Variants in PHF14 observed in about 807,000 individuals in gnomAD.
The protein encoded by PHF14 is PHD finger protein 14.
In PHF14, 55 loss-of-function variants were observed where a neutral mutation model predicts 117.9. That is an observed-to-expected ratio of 0.47 (90% CI 0.38 to 0.58). PHF14 has a LOEUF of 0.58. Among genes scored for constraint, PHF14 ranks in the 20% least tolerant of loss-of-function variants. The probability of loss-of-function intolerance (pLI) is 0.00; values close to 1 mark genes in which losing one functional copy is unlikely to be tolerated. For missense variants in PHF14, 978 were observed against 1,122.2 expected, an observed-to-expected ratio of 0.87 and a Z score of 1.84; for synonymous variants, 409 against 368.6, an observed-to-expected ratio of 1.11 and a Z score of -1.26.
intron 4 of PHF14, among the ~76,000 whole-genome samples, chr7:10,996,540 A>G (rs1354638792): frequency 1.3e-5 from 2 of 152,216 alleles, no homozygotes; most frequent in Admixed American, 6.5e-5. Flanking sequence ...AAATCACCCT[A>G]ATTCAATGCT....
intron 3 of PHF14, among the ~76,000 whole-genome samples, chr7:10,983,930 T>C (rs1409163132): frequency 2.6e-5 from 4 of 152,094 alleles, no homozygotes; most frequent in Non-Finnish European, 5.9e-5. Context: ...TCAAACACAT[T>C]TGTGTCTCTT....
At chr7:11,041,499 G>A (rs1343164898) in intron 12 of PHF14, among the ~76,000 whole-genome samples, 2 of 151,520 alleles carry the variant, frequency 1.3e-5, no homozygotes, top group Non-Finnish European at 3.0e-5. Context: ...TTATGCATGT[G>A]TAAATACATA....
intron 4 of PHF14, among the ~76,000 whole-genome samples, chr7:11,002,155 C>T (rs1288627147): frequency 6.6e-6 from 1 of 152,008 alleles, no homozygotes; most frequent in East Asian, 1.9e-4. Context: ...AGTGATTCTC[C>T]TGCCTCAGCC....
intron 17 of PHF14, among the ~76,000 whole-genome samples, chr7:11,148,913 C>T (rs921564269): frequency 6.6e-6 from 1 of 152,090 alleles, no homozygotes. Context: ...TTGTTTTGAA[C>T]ATCTACTTTT....
At chr7:11,098,166 C>G (rs1481213849) in intron 16 of PHF14, among the ~76,000 whole-genome samples, 1 of 152,098 alleles carries the variant, frequency 6.6e-6, no homozygotes. Context: ...GTATTTACTT[C>G]TATTCAGACA....
chr7:11,136,372 G>GTT (rs1448964490), intron 17 of PHF14, among the ~76,000 whole-genome samples: 2 of 151,878 alleles, frequency 1.3e-5, no homozygotes, highest in Non-Finnish European at 2.9e-5. Context: ...GCCTTTGGCT[G>GTT]TTTTTATCTC....
At chr7:11,043,386 AG>A (rs1784561334) in intron 13 of PHF14, among the ~76,000 whole-genome samples, 1 of 152,058 alleles carries the variant, frequency 6.6e-6, no homozygotes, top group South Asian at 2.1e-4. Flanking sequence ...ACTCCAAGAA[AG>A]GGACAGATGT....
At chr7:11,154,095 GA>G (rs144226360) in intron 17 of PHF14, among the ~76,000 whole-genome samples, 18,959 of 152,110 alleles carry the variant, frequency 0.12, 1,413 homozygotes, top group African/African-American at 0.2. Flanking sequence ...ACATTTGAAA[GA>G]AACTAATGGA....
chr7:11,069,809 T>G (rs918574171), intron 16 of PHF14, among the ~76,000 whole-genome samples: 1 of 151,620 alleles, frequency 6.6e-6, no homozygotes, highest in Non-Finnish European at 1.5e-5. Context: ...CACCGTGGCT[T>G]GGTATTACCA....
At chr7:11,035,523 A>T in intron 7 of PHF14, 117 bp from the exon 8 acceptor site, 1 of 531,254 alleles carries the variant, frequency 1.9e-6, no homozygotes, top group Non-Finnish European at 3.1e-6. Flanking sequence ...GTAATTTATT[A>T]GATGTAACTA....
intron 16 of PHF14, chr7:11,063,418 TAAAG>T (rs917429480): frequency 1.5e-5 from 15 of 974,188 alleles, no homozygotes; most frequent in African/African-American, 1.1e-4. Context: ...ACAATAAAAA[TAAAG>T]AAAAAAAATA....
At chr7:11,103,877 G>A (rs1787172827) in intron 16 of PHF14, 1 of 980,860 alleles carries the variant, frequency 1.0e-6, no homozygotes, top group East Asian at 1.1e-4. Flanking sequence ...TCATAACATT[G>A]GAGGAAAAAT....
intron 16 of PHF14, chr7:11,104,706 A>T: frequency 1.2e-6 from 1 of 802,508 alleles, no homozygotes; most frequent in Non-Finnish European, 1.5e-6. Context: ...GTAAAAACAC[A>T]GGTGACTACC....
intron 17 of PHF14, among the ~76,000 whole-genome samples, chr7:11,114,725 G>A (rs1339230346): frequency 1.3e-5 from 2 of 151,880 alleles, no homozygotes; most frequent in African/African-American, 2.4e-5. Flanking sequence ...ATATCCACAC[G>A]TATTTACATA....
At chr7:11,102,512 C>T (rs1194962591) in intron 16 of PHF14, 6 of 1,610,154 alleles carry the variant, frequency 3.7e-6, no homozygotes, top group Non-Finnish European at 5.1e-6. Context: ...CCAACTCTGC[C>T]ACAGCTCATC....
At chr7:11,163,680 C>G (rs1225447180) in intron 17 of PHF14, among the ~76,000 whole-genome samples, 1 of 152,166 alleles carries the variant, frequency 6.6e-6, no homozygotes, top group East Asian at 1.9e-4. Flanking sequence ...ATGCAGTGTG[C>G]TCATTTTGCC....
intron 3 of PHF14, 86 bp from the exon 4 acceptor site, chr7:10,990,614 AATG>A: frequency 1.4e-6 from 1 of 735,320 alleles, no homozygotes; most frequent in Non-Finnish European, 2.2e-6. Context: ...TGCATATAAT[AATG>A]TTTAAGTAAT....
Position 11,140,293 on chromosome 7 carries a change from C to T in PHF14, c.2772+28826C>T, listed in dbSNP as rs1205957779. Among the ~76,000 whole-genome samples, 9 of 152,140 alleles carry T rather than the reference C, an allele frequency of 5.9e-5. No individual in the cohort carries two copies. In the South Asian group the frequency reaches 8.3e-4, roughly 14 times the overall value. Reference sequence around the variant, plus strand: ...AAACTTTTTTTATCCTTACTATGTGCGATATACCCTATTTTATTCTACCTA... The same window carrying T: ...AAACTTTTTTTATCCTTACTATGTGTGATATACCCTATTTTATTCTACCTA... On this transcript the variant is annotated intron_variant, in intron 17 of 17. Coordinates refer to ENST00000634607, the MANE Select transcript of PHF14 (RefSeq NM_001007157.2).
chr7:10,991,107 C>T (rs1263711892), intron 4 of PHF14, among the ~76,000 whole-genome samples: 2 of 152,178 alleles, frequency 1.3e-5, no homozygotes, highest in Non-Finnish European at 1.5e-5. Flanking sequence ...TCTGCTGCCT[C>T]AGCCTCCTGG....
Sources: allele counts gnomAD v4.1 joint callset (sites outside exome capture counted in the v4.1 genomes callset), GRCh38; gene constraint gnomAD v4.1.1; transcripts MANE v1.5; gene names NCBI Gene and HGNC (gene_info 2026-07-23, HGNC 2026-07-21).